LRRC63: variants seen among roughly 807,000 people sequenced by gnomAD.
LRRC63 encodes the protein leucine rich repeat containing 63, also known as leucine-rich repeat-containing protein 63.
A neutral mutation model predicts 49.5 loss-of-function variants in LRRC63; 40 were observed. The observed-to-expected ratio is 0.81, with a 90% confidence interval of 0.63 to 1.05. The LOEUF (loss-of-function observed/expected upper bound fraction) is 1.05. LRRC63 is among the 50% of genes least tolerant of loss of function. The probability of loss-of-function intolerance (pLI) is 0.00; values close to 1 mark genes in which losing one functional copy is unlikely to be tolerated. For synonymous variants in LRRC63, 191 were observed against 221.1 expected (o/e 0.86, Z 1.21); for missense variants, 636 against 663.1 (o/e 0.96, Z 0.45).
chr13:46,231,619 C>T (rs943234498), intron 4 of LRRC63, among the ~76,000 whole-genome samples: 2 of 152,040 alleles, frequency 1.3e-5, no homozygotes, highest in Admixed American at 6.5e-5. Flanking sequence ...AAGTGATTCT[C>T]CTGCCTCAGC....
At chr13:46,228,223 G>A (rs2046636337) in intron 3 of LRRC63, 34 bp downstream of exon 3, 1 of 1,449,806 alleles carries the variant, frequency 6.9e-7, no homozygotes, top group African/African-American at 1.4e-5. Context: ...TAATTATAGA[G>A]TCAAGTAGAG....
At chr13:46,230,435 G>A (rs1594032714) in intron 4 of LRRC63, among the ~76,000 whole-genome samples, 1 of 152,316 alleles carries the variant, frequency 6.6e-6, no homozygotes, top group East Asian at 1.9e-4. Context: ...GAGGAGTAAG[G>A]AAGCCAGTAG....
chr13:46,258,535 C>T (rs548919217), intron 7 of LRRC63, among the ~76,000 whole-genome samples: 19 of 150,486 alleles, frequency 1.3e-4, no homozygotes, highest in South Asian at 4.2e-4. Flanking sequence ...ATTGGCTGGG[C>T]ATGGTGGCTC....
intron 2 of LRRC63, among the ~76,000 whole-genome samples, chr13:46,213,572 A>G (rs1023900248): frequency 6.6e-6 from 1 of 152,200 alleles, no homozygotes; most frequent in African/African-American, 2.4e-5. Context: ...CCCCAAGCAT[A>G]GTGTTGAAGT....
chr13:46,262,590 T>C (rs1322689523), intron 8 of LRRC63, among the ~76,000 whole-genome samples: 1 of 152,162 alleles, frequency 6.6e-6, no homozygotes, highest in African/African-American at 2.4e-5. Context: ...TGCATAGAGT[T>C]TACTCATAAA....
chr13:46,265,590 G>A (rs188557495), intron 8 of LRRC63, among the ~76,000 whole-genome samples: 19 of 152,276 alleles, frequency 1.2e-4, no homozygotes, highest in Admixed American at 1.3e-4. Flanking sequence ...TCTCACGCAT[G>A]AGGGCTCCTG....
At position 46,262,408 on chromosome 13, in the gene LRRC63, T is replaced by TG. The variant is rs1212473080; in HGVS notation, c.1310+416_1310+417insG. 1.2e-4 allele frequency among the ~76,000 whole-genome samples: 19 copies of TG among 152,328 alleles called. No homozygotes were observed. The South Asian group carries it at 1.7e-3, about 13-fold the overall frequency. On this transcript the variant is annotated intron_variant, in intron 8 of 9. Transcript: ENST00000595396. ...TCTATGTCCTTCTAGGTCAGTACTATACTGTTTTGATTGTGACTTCAGAAT... is the reference window on the plus strand; with the variant it reads ...TCTATGTCCTTCTAGGTCAGTACTATGACTGTTTTGATTGTGACTTCAGAAT...
At chr13:46,246,114 C>T (rs2047205564) in intron 5 of LRRC63, among the ~76,000 whole-genome samples, 1 of 152,100 alleles carries the variant, frequency 6.6e-6, no homozygotes, top group East Asian at 1.9e-4. Flanking sequence ...CCCCGTCTTC[C>T]TGCTGCTCTG....
At chr13:46,261,488 G>A (rs2047613144) in intron 7 of LRRC63, among the ~76,000 whole-genome samples, 2 of 152,198 alleles carry the variant, frequency 1.3e-5, no homozygotes, top group Admixed American at 6.5e-5. Flanking sequence ...GGAGAAGCAA[G>A]GGACAGTTTC....
At position 46,212,644 on chromosome 13, in the gene LRRC63, GA is replaced by G. The variant is rs1306722635; in HGVS notation, c.-33-350del. 5.3e-5 allele frequency among the ~76,000 whole-genome samples: 8 copies of G among 151,686 alleles called. No homozygotes were observed. The South Asian group carries it at 1.0e-3, about 20-fold the overall frequency. On this transcript the variant is annotated intron_variant, in intron 1 of 9. Transcript: ENST00000595396. The stretch of plus-strand genomic sequence containing the variant: ...ATAGCGATAACATTTTGGAGAGAGA[GA>G]AAAAAAATGTCATTTCGACTATTCT...
At chr13:46,225,938 T>C (rs1288386381) in intron 2 of LRRC63, among the ~76,000 whole-genome samples, 1 of 152,110 alleles carries the variant, frequency 6.6e-6, no homozygotes, top group African/African-American at 2.4e-5. Flanking sequence ...GCCTGATCAG[T>C]TCTTCAACCC....
At chr13:46,250,286 A>C (rs1166081077) in intron 6 of LRRC63, 69 bp from the exon 7 acceptor site, 8 of 1,284,308 alleles carry the variant, frequency 6.2e-6, no homozygotes, top group Non-Finnish European at 8.4e-6. Context: ...GAGTTTATAA[A>C]AGGTAACAAA....
At chr13:46,245,865 T>C (rs537925410) in intron 5 of LRRC63, among the ~76,000 whole-genome samples, 44 of 152,226 alleles carry the variant, frequency 2.9e-4, no homozygotes, top group Admixed American at 5.2e-4. Context: ...TTGTTATTGA[T>C]TGAAATAATT....
chr13:46,225,087 C>T (rs1388031186), intron 2 of LRRC63, among the ~76,000 whole-genome samples: 1 of 152,160 alleles, frequency 6.6e-6, no homozygotes, highest in Non-Finnish European at 1.5e-5. Flanking sequence ...CAGGTTCTCA[C>T]GTCGCTGGGA....
intron 5 of LRRC63, among the ~76,000 whole-genome samples, chr13:46,246,190 C>G (rs1382600902): frequency 6.6e-6 from 1 of 152,286 alleles, no homozygotes; most frequent in African/African-American, 2.4e-5. Context: ...TCCCCAGAAG[C>G]TGAGCAGATG....
At chr13:46,215,903 G>A (rs2046238106) in intron 2 of LRRC63, among the ~76,000 whole-genome samples, 1 of 152,098 alleles carries the variant, frequency 6.6e-6, no homozygotes, top group Non-Finnish European at 1.5e-5. Flanking sequence ...TTTTTGTCAG[G>A]TTTGTCGAAG....
chr13:46,234,864 G>A (rs941458259), intron 5 of LRRC63, among the ~76,000 whole-genome samples: 12 of 152,124 alleles, frequency 7.9e-5, no homozygotes, highest in Non-Finnish European at 1.3e-4. Flanking sequence ...GCAAGTTGTA[G>A]AGCTTGGGTT....
intron 2 of LRRC63, among the ~76,000 whole-genome samples, chr13:46,215,082 T>C (rs1403388790): frequency 6.6e-6 from 1 of 152,254 alleles, no homozygotes; most frequent in Non-Finnish European, 1.5e-5. Context: ...TACGTGTGCA[T>C]GTGTCTTTAT....
In LRRC63 at chr13:46,222,440, A is replaced by AT. The variant is rs1283223798; in HGVS notation, c.86-5071dup. Among the ~76,000 whole-genome samples, 5 of 152,330 alleles carry AT rather than the reference A, an allele frequency of 3.3e-5. No homozygotes were observed. In the East Asian group the frequency reaches 9.6e-4, roughly 29 times the overall value. On this transcript the variant is annotated intron_variant, in intron 2 of 9. Transcript: ENST00000595396. ...ATCCATTTCGAGTTGATTGTTGTAT[A>AT]TGGTAAGAGATAGGGATCCAGTTTC... is the stretch of plus-strand genomic sequence containing the variant.
Sources: allele counts gnomAD v4.1 joint callset (sites outside exome capture counted in the v4.1 genomes callset), GRCh38; gene constraint gnomAD v4.1.1; transcripts MANE v1.5; gene names NCBI Gene and HGNC (gene_info 2026-07-23, HGNC 2026-07-21).